MYT1L: variants seen among roughly 807,000 people sequenced by gnomAD.
MYT1L encodes the protein myelin transcription factor 1-like protein.
Under a neutral mutation model 126.7 loss-of-function variants are expected in MYT1L, and 12 were observed. The ratio of observed to expected loss-of-function variants is 0.09; its 90% CI spans 0.06 to 0.15. The LOEUF (loss-of-function observed/expected upper bound fraction) is 0.15, where lower values mean the gene tolerates loss of function less well. MYT1L is among the 10% of genes least tolerant of loss of function. The pLI is 1.00. For missense variants in MYT1L, 979 were observed against 1,585.2 expected, an observed-to-expected ratio of 0.62 and a Z score of 6.49; for synonymous variants, 541 against 604.2, an observed-to-expected ratio of 0.90 and a Z score of 1.53.
chr2:2,216,463 G>C (rs2093679398), intron 2 of MYT1L, among the ~76,000 whole-genome samples: 1 of 152,118 alleles, frequency 6.6e-6, no homozygotes, highest in Non-Finnish European at 1.5e-5. Flanking sequence ...TTTTCAACTG[G>C]ATGAAAATGA....
intron 3 of MYT1L, among the ~76,000 whole-genome samples, chr2:2,110,611 C>T (rs971072253): frequency 1.3e-5 from 2 of 149,970 alleles, no homozygotes; most frequent in Admixed American, 1.3e-4. Context: ...TTTCCTCCTC[C>T]CCTCTCCCTC....
At chr2:1,850,178 C>T (rs2043052708) in intron 19 of MYT1L, among the ~76,000 whole-genome samples, 1 of 125,646 alleles carries the variant, frequency 8.0e-6, no homozygotes, top group African/African-American at 2.9e-5. Flanking sequence ...TCCCCTCCCC[C>T]TCCCCCTTCC....
chr2:2,199,027 G>A (rs1273409820), intron 2 of MYT1L, among the ~76,000 whole-genome samples: 3 of 152,100 alleles, frequency 2.0e-5, no homozygotes, highest in Non-Finnish European at 2.9e-5. Flanking sequence ...GACCAAAGGA[G>A]TGAAAGGTCA....
intron 3 of MYT1L, among the ~76,000 whole-genome samples, chr2:2,172,458 A>T (rs2090185154): frequency 1.3e-5 from 2 of 152,238 alleles, no homozygotes; most frequent in Admixed American, 1.3e-4. Flanking sequence ...TCTTTTTGGC[A>T]TGAATTGTCT....
rs566734270 is a variant in MYT1L, at chr2:1,817,341, G to A, written c.3081-8174C>T. ...GGGGGGATAGGGGCGCCACACGGCC[G>A]GAAACTGCAGAGTCCACATTCCTGG... On this transcript the variant is annotated intron_variant, in intron 21 of 24. Coordinates refer to ENST00000647738, the MANE Select transcript of MYT1L (RefSeq NM_001303052.2). Among the ~76,000 whole-genome samples the A allele has an allele frequency of 6.6e-5, 10 of 152,258 alleles. No homozygotes were observed. In the East Asian group the frequency reaches 1.2e-3, roughly 18 times the overall value.
intron 4 of MYT1L, among the ~76,000 whole-genome samples, chr2:2,007,389 A>T (rs1222890996): frequency 1.3e-5 from 2 of 152,186 alleles, no homozygotes; most frequent in Non-Finnish European, 2.9e-5. Flanking sequence ...GTATCAATCA[A>T]TTTAGAAGGT....
At chr2:1,897,322 C>T (rs950370746) in intron 14 of MYT1L, among the ~76,000 whole-genome samples, 1 of 152,210 alleles carries the variant, frequency 6.6e-6, no homozygotes, top group East Asian at 1.9e-4. Flanking sequence ...CAGCAGGGGG[C>T]GCTGCAGAGC....
chr2:1,946,361 A>G (rs2057223623), intron 8 of MYT1L, among the ~76,000 whole-genome samples: 1 of 152,174 alleles, frequency 6.6e-6, no homozygotes, highest in South Asian at 2.1e-4. Flanking sequence ...CACTTGAATT[A>G]CATCCTCTCC....
At chr2:1,795,034 C>T (rs1450579463) in intron 23 of MYT1L, among the ~76,000 whole-genome samples, 1 of 152,156 alleles carries the variant, frequency 6.6e-6, no homozygotes, top group African/African-American at 2.4e-5. Context: ...CCCCGTGGCC[C>T]CTGAATCTCC....
chr2:2,025,862 C>G (rs1233911831), intron 4 of MYT1L, among the ~76,000 whole-genome samples: 1 of 152,220 alleles, frequency 6.6e-6, no homozygotes, highest in African/African-American at 2.4e-5. Flanking sequence ...CAATTATACT[C>G]AAACTCAATA....
At chr2:1,822,784 G>A (rs1401930305) in intron 21 of MYT1L, among the ~76,000 whole-genome samples, 8 of 70,652 alleles carry the variant, frequency 1.1e-4, no homozygotes. Context: ...CTCCTCTCCT[G>A]TGAAGGAGCC....
intron 3 of MYT1L, among the ~76,000 whole-genome samples, chr2:2,073,729 C>T (rs1034952476): frequency 1.3e-5 from 2 of 152,184 alleles, no homozygotes; most frequent in Admixed American, 6.5e-5. Flanking sequence ...TGTTGTGAGG[C>T]TCCCTTCACC....
chr2:2,297,719 A>G (rs1352784063), intron 1 of MYT1L, among the ~76,000 whole-genome samples: 1 of 152,134 alleles, frequency 6.6e-6, no homozygotes, highest in African/African-American at 2.4e-5. Context: ...TTTCTACAGC[A>G]TGAAGCATTG....
intron 4 of MYT1L, among the ~76,000 whole-genome samples, chr2:2,023,882 T>G (rs1358943127): frequency 6.6e-6 from 1 of 152,162 alleles, no homozygotes; most frequent in Non-Finnish European, 1.5e-5. Flanking sequence ...AATGCAGTGA[T>G]AAGATTGAGC....
At chr2:1,840,713 C>A in intron 20 of MYT1L, 47 bp downstream of exon 20, 2 of 1,385,652 alleles carry the variant, frequency 1.4e-6, no homozygotes, top group Non-Finnish European at 1.0e-6. Flanking sequence ...TGCCTCGTCC[C>A]CACATGGCAG....
At chr2:1,909,452 G>A (rs1295269333) in intron 13 of MYT1L, among the ~76,000 whole-genome samples, 1 of 152,146 alleles carries the variant, frequency 6.6e-6, no homozygotes, top group Non-Finnish European at 1.5e-5. Flanking sequence ...AGACAAGGAC[G>A]CGTGTTTCTG....
intron 3 of MYT1L, among the ~76,000 whole-genome samples, chr2:2,099,447 T>C (rs1279880118): frequency 3.9e-5 from 6 of 152,122 alleles, no homozygotes; most frequent in Admixed American, 3.9e-4. Context: ...ACAGGTCTCC[T>C]AATGGAATGC....
At chr2:2,107,328 T>C (rs1469072374) in intron 3 of MYT1L, among the ~76,000 whole-genome samples, 1 of 152,194 alleles carries the variant, frequency 6.6e-6, no homozygotes, top group Non-Finnish European at 1.5e-5. Flanking sequence ...CCGACCTTTG[T>C]GAATAAGTTT....
Position 1,979,898 on chromosome 2 carries a change from A to T in MYT1L, c.1-121T>A, listed in dbSNP as rs1436693882. On this transcript the variant is annotated intron_variant, in intron 5 of 24. Coordinates refer to ENST00000647738, the MANE Select transcript of MYT1L (RefSeq NM_001303052.2). The surrounding 1 kb of genome is among the most constrained non-coding windows in gnomAD (Gnocchi z 4.0). The stretch of plus-strand genomic sequence containing the variant: ...GCTTTAATCCTGTTTCCCTCCATGA[A>T]GGGAAGCCCTCTACAAGGGCAGGGG... The T allele has an allele frequency of 1.0e-6, 1 of 992,974 alleles. No individual in the cohort carries two copies. The highest frequency in any genetic ancestry group is 2.0e-5 in the Admixed American group (1 of 50,338). 61.5% of individuals were successfully genotyped at this position (992,974 alleles called of 1,614,324 possible).
Sources: allele counts gnomAD v4.1 joint callset (sites outside exome capture counted in the v4.1 genomes callset), GRCh38; gene constraint gnomAD v4.1.1; non-coding constraint Gnocchi (gnomAD v3.1); transcripts MANE v1.5; gene names NCBI Gene and HGNC (gene_info 2026-07-23, HGNC 2026-07-21).